The following PAK3 variants were observed in gnomAD, a reference collection of about 807,000 sequenced individuals.
PAK3 encodes the protein serine/threonine-protein kinase PAK 3.
PAK3 carries 4 observed loss-of-function variants against 41.0 expected under a neutral mutation model. The observed-to-expected ratio is 0.10, with a 90% CI of 0.05 to 0.22. The LOEUF (loss-of-function observed/expected upper bound fraction) is 0.22, where lower values mean the gene tolerates loss of function less well. PAK3 is among the 10% of genes least tolerant of loss of function. The probability of loss-of-function intolerance (pLI) is 1.00; values close to 1 mark genes in which losing one functional copy is unlikely to be tolerated. For synonymous variants in PAK3, 146 were observed against 139.6 expected, an observed-to-expected ratio of 1.05 and a Z score of -0.32; for missense variants, 205 against 409.9, an observed-to-expected ratio of 0.50 and a Z score of 4.32.
intron 1 of PAK3, among the ~76,000 whole-genome samples, chrX:111,074,859 T>C (rs1406940256): frequency 8.9e-6 from 1 of 111,781 alleles, no homozygotes; most frequent in Non-Finnish European, 1.9e-5. Context: ...TATTGGGAGC[T>C]GGAGTAAAGA....
chrX:111,083,360 T>A (rs941389110), intron 1 of PAK3, among the ~76,000 whole-genome samples: 2 of 112,528 alleles, frequency 1.8e-5, no homozygotes, highest in Non-Finnish European at 3.8e-5. Context: ...CATGGCTATT[T>A]TTAATAAGGC....
At chrX:111,036,589 T>A (rs1422545316) in intron 1 of PAK3, among the ~76,000 whole-genome samples, 1 of 112,034 alleles carries the variant, frequency 8.9e-6, no homozygotes, top group African/African-American at 3.2e-5. Flanking sequence ...TTTAATTATC[T>A]CCACCTGGTC....
At chrX:110,956,930 C>T (rs1473629936) in intron 1 of PAK3, among the ~76,000 whole-genome samples, 6 of 111,735 alleles carry the variant, frequency 5.4e-5, no homozygotes, top group African/African-American at 1.9e-4. Flanking sequence ...CAGGGCATCG[C>T]CTAGCTCAGC....
intron 4 of PAK3, among the ~76,000 whole-genome samples, chrX:111,119,584 A>G (rs2093532547): frequency 8.9e-6 from 1 of 112,255 alleles, no homozygotes; most frequent in African/African-American, 3.2e-5. Context: ...AAAATAAAAT[A>G]GTCTCTTTCA....
chrX:111,114,755 G>A (rs1186821158), intron 4 of PAK3, among the ~76,000 whole-genome samples: 23 of 111,881 alleles, frequency 2.1e-4, no homozygotes, highest in African/African-American at 3.3e-5. Flanking sequence ...TCTAAGATGA[G>A]CATCATTTGA....
At chrX:111,190,133 G>A (rs752041172) in intron 11 of PAK3, among the ~76,000 whole-genome samples, 2 of 111,130 alleles carry the variant, frequency 1.8e-5, no homozygotes, top group East Asian at 2.8e-4. Flanking sequence ...ATCAAATCCC[G>A]GTTTAGGTGG....
At chrX:111,027,286 G>A (rs1182892455) in intron 1 of PAK3, among the ~76,000 whole-genome samples, 1 of 110,632 alleles carries the variant, frequency 9.0e-6, no homozygotes, top group African/African-American at 3.3e-5. Context: ...GAACCGAAAA[G>A]CAAATGCAAC....
chrX:110,998,983 T>C (rs1385176083), intron 1 of PAK3, among the ~76,000 whole-genome samples: 1 of 111,655 alleles, frequency 9.0e-6, no homozygotes, highest in Non-Finnish European at 1.9e-5. Context: ...ATGGCACAAC[T>C]CCCTTTGCTA....
At chrX:110,961,393 C>A (rs1473872150) in intron 1 of PAK3, among the ~76,000 whole-genome samples, 2 of 111,705 alleles carry the variant, frequency 1.8e-5, no homozygotes, top group Non-Finnish European at 3.8e-5. Context: ...TAGGCTTCAA[C>A]CTCACTTCTG....
At chrX:111,216,990 A>G (rs776183419) in intron 17 of PAK3, 2 of 749,887 alleles carry the variant, frequency 2.7e-6, no homozygotes, top group East Asian at 1.5e-4. Context: ...TGTGATGCCA[A>G]TTGGCAGGCA....
chrX:111,167,056 A>G (rs1467645129), intron 10 of PAK3, among the ~76,000 whole-genome samples: 2 of 112,011 alleles, frequency 1.8e-5, no homozygotes, highest in Non-Finnish European at 3.8e-5. Context: ...GTTAAAGTAT[A>G]TAAGACATCT....
chrX:110,987,094 T>C (rs2091557794), intron 1 of PAK3, among the ~76,000 whole-genome samples: 1 of 112,028 alleles, frequency 8.9e-6, no homozygotes, highest in Non-Finnish European at 1.9e-5. Flanking sequence ...CTAGGTTTTC[T>C]GTGGGCTCTC....
intron 1 of PAK3, among the ~76,000 whole-genome samples, chrX:110,995,015 T>C (rs2091716814): frequency 8.9e-6 from 1 of 112,153 alleles, no homozygotes; most frequent in African/African-American, 3.2e-5. Flanking sequence ...CAATTACTGA[T>C]TGTATTCATA....
chrX:111,011,020 G>A (rs111617975), intron 1 of PAK3, among the ~76,000 whole-genome samples: 2,569 of 112,027 alleles, frequency 0.023, 82 homozygotes, highest in African/African-American at 0.08. Flanking sequence ...CACAGAGGTT[G>A]AGATGCAGAT....
intron 4 of PAK3, among the ~76,000 whole-genome samples, chrX:111,120,380 C>A (rs1445214851): frequency 8.9e-6 from 1 of 111,798 alleles, no homozygotes; most frequent in African/African-American, 3.3e-5. Flanking sequence ...TCAGGGTAAT[C>A]AGGCAGCCTG....
intron 8 of PAK3, among the ~76,000 whole-genome samples, chrX:111,156,492 T>A (rs191039933): frequency 1.9e-3 from 212 of 112,220 alleles, no homozygotes; most frequent in African/African-American, 6.5e-3. Context: ...TAGGAATGGA[T>A]AACTGCACCT....
At chrX:111,202,922 G>A (rs973525971) in intron 16 of PAK3, among the ~76,000 whole-genome samples, 5 of 111,717 alleles carry the variant, frequency 4.5e-5, no homozygotes, top group African/African-American at 1.3e-4. Context: ...AAGCTGTATC[G>A]AAGATTGGAT....
chrX:111,099,761 GT>G (rs2093090255), intron 3 of PAK3, among the ~76,000 whole-genome samples: 3 of 99,997 alleles, frequency 3.0e-5, no homozygotes, highest in African/African-American at 1.1e-4. Context: ...TGGGACCCCT[GT>G]TGTGTTTGGG....
intron 4 of PAK3, among the ~76,000 whole-genome samples, chrX:111,111,332 T>G (rs940342960): frequency 2.7e-5 from 3 of 112,129 alleles, no homozygotes; most frequent in Non-Finnish European, 5.6e-5. Flanking sequence ...AAAGACAAGA[T>G]GCTTAGATAT....
Sources: gnomAD v4.1 joint callset for allele counts (sites outside exome capture counted in the v4.1 genomes callset) on GRCh38, gnomAD v4.1.1 for gene constraint, MANE v1.5 for transcripts, NCBI Gene and HGNC (gene_info 2026-07-23, HGNC 2026-07-21) for gene names.